Variants in EDA2R observed in about 807,000 individuals in gnomAD.
EDA2R encodes the protein tumor necrosis factor receptor superfamily member 27.
In EDA2R, 26 loss-of-function variants were observed where a neutral mutation model predicts 20.1. That is an observed-to-expected ratio of 1.30 (90% CI 0.95 to 1.80). The LOEUF (loss-of-function observed/expected upper bound fraction) is 1.80. EDA2R is among the 40% of genes most tolerant of loss of function. EDA2R has a pLI of 0.00. For synonymous variants in EDA2R, 114 were observed against 88.7 expected (o/e 1.29, Z -1.60); for missense variants, 277 against 228.7 (o/e 1.21, Z -1.36).
chrX:66,627,211 T>G (rs965604417), intron 1 of EDA2R, among the ~76,000 whole-genome samples: 4 of 111,150 alleles, frequency 3.6e-5, no homozygotes, highest in Admixed American at 9.5e-5. Context: ...AAACAAAATT[T>G]AAAAATAACA....
intron 2 of EDA2R, among the ~76,000 whole-genome samples, chrX:66,606,161 C>T (rs1323701977): frequency 8.9e-6 from 1 of 112,179 alleles, no homozygotes; most frequent in Non-Finnish European, 1.9e-5. Context: ...AGTCACAGCT[C>T]TTTCTCAAAG....
At chrX:66,601,841 A>G (rs757862394) in intron 5 of EDA2R, among the ~76,000 whole-genome samples, 24 of 111,082 alleles carry the variant, frequency 2.2e-4, no homozygotes, top group African/African-American at 7.8e-4. Flanking sequence ...CACCTCCCCC[A>G]TCTTTGTCCT....
intron 6 of EDA2R, among the ~76,000 whole-genome samples, chrX:66,598,743 G>T (rs1927921596): frequency 8.9e-6 from 1 of 112,199 alleles, no homozygotes; most frequent in Non-Finnish European, 1.9e-5. Flanking sequence ...CAGGGAGCAG[G>T]GAAGTCATTG....
At chrX:66,622,521 T>A (rs752946148) in intron 1 of EDA2R, among the ~76,000 whole-genome samples, 23 of 111,894 alleles carry the variant, frequency 2.1e-4, no homozygotes, top group Admixed American at 1.9e-3. Flanking sequence ...TTGCTTTGCC[T>A]GGACAGTGCA....
chrX:66,599,636 C>T lies in EDA2R; in HGVS notation c.742G>A (p.Val248Ile), dbSNP rs1928153536. The stretch of plus-strand genomic sequence containing the variant: ...TCTGTGCATTCGATGGGGCTGTGGA[C>T]CCAGTGGGAGTGGCTCTCTGAGGTG... The part of the protein sequence containing the change: ...SCTSESHSHW[V>I]HSPIECTELD... Residue 248 changes from valine to isoleucine, a missense_variant, in exon 6 of 7, where the codon GTC becomes ATC. Val to Ile is a conservative substitution (Grantham distance 29). Coordinates refer to ENST00000374719, the MANE Select transcript of EDA2R (RefSeq NM_021783.5). 1 of 1,206,519 alleles carries T rather than the reference C, an allele frequency of 8.3e-7. No individual in the cohort carries two copies. The highest frequency in any genetic ancestry group is 1.1e-6 in the Non-Finnish European group (1 of 893,106).
chrX:66,626,003 G>A (rs1477101048), intron 1 of EDA2R, among the ~76,000 whole-genome samples: 1 of 111,255 alleles, frequency 9.0e-6, no homozygotes, highest in Non-Finnish European at 1.9e-5. Context: ...TGGGACAAAA[G>A]AATCTGAACA....
At chrX:66,624,594 C>T (rs1447322971) in intron 1 of EDA2R, among the ~76,000 whole-genome samples, 2 of 111,742 alleles carry the variant, frequency 1.8e-5, no homozygotes, top group African/African-American at 6.5e-5. Context: ...TGAGATCTTG[C>T]TCAAGATCTC....
At chrX:66,629,348 A>G (rs776332743) in intron 1 of EDA2R, among the ~76,000 whole-genome samples, 2 of 111,768 alleles carry the variant, frequency 1.8e-5, no homozygotes, top group Admixed American at 1.9e-4. Context: ...CAGAGCAACC[A>G]GGCAAGAGAA....
chrX:66,626,143 C>A lies in EDA2R; in HGVS notation c.-10-10113G>T, dbSNP rs1417998016. ...CCCAAAAATCACACTAGCTCACCAG[C>A]AATGGATCCAAACCAAGATAAAATC... is the stretch of plus-strand genomic sequence containing the variant. On this transcript the variant is annotated intron_variant, in intron 1 of 6. Coordinates refer to ENST00000374719, the MANE Select transcript of EDA2R (RefSeq NM_021783.5). Among the ~76,000 whole-genome samples the A allele has an allele frequency of 2.7e-5, 3 of 111,549 alleles. No individual in the cohort carries two copies. In the East Asian group the frequency reaches 8.5e-4, roughly 32 times the overall value.
chrX:66,616,290 A>G (rs1228355384), intron 1 of EDA2R, among the ~76,000 whole-genome samples: 1 of 112,522 alleles, frequency 8.9e-6, no homozygotes, highest in African/African-American at 3.2e-5. Context: ...CATTTTACAG[A>G]TGAAGAAACT....
chrX:66,633,326 C>T (rs1934021760), intron 1 of EDA2R, among the ~76,000 whole-genome samples: 1 of 111,796 alleles, frequency 8.9e-6, no homozygotes, highest in Non-Finnish European at 1.9e-5. Context: ...GGAAAAGAGA[C>T]TGTGTAGCCA....
At chrX:66,628,705 C>CAA (rs58181241) in intron 1 of EDA2R, among the ~76,000 whole-genome samples, 13 of 80,771 alleles carry the variant, frequency 1.6e-4, no homozygotes, top group Non-Finnish European at 1.8e-4. Flanking sequence ...AAAACATTAC[C>CAA]AAAAAAAAAA....
chrX:66,623,104 GTAGT>G (rs1932801926), intron 1 of EDA2R, among the ~76,000 whole-genome samples: 1 of 111,992 alleles, frequency 8.9e-6, no homozygotes, highest in Non-Finnish European at 1.9e-5. Context: ...AGATTCTGTT[GTAGT>G]TAGTCAAAAA....
chrX:66,613,011 G>T (rs1440973076), intron 2 of EDA2R, among the ~76,000 whole-genome samples: 2 of 111,111 alleles, frequency 1.8e-5, no homozygotes, highest in African/African-American at 6.5e-5. Flanking sequence ...AAATTTTGAT[G>T]CTGATAGTGT....
chrX:66,639,149 GCCCCGCCCCTCAGC>G (rs1456822372), upstream of EDA2R: 2 of 54,137 alleles, frequency 3.7e-5, no homozygotes, highest in African/African-American at 7.2e-5. Flanking sequence ...CCGCCCATCA[GCCCCGCCCCTCAGC>G]CCCCGCCCCT....
intron 1 of EDA2R, among the ~76,000 whole-genome samples, chrX:66,619,642 T>A (rs1469304240): frequency 9.0e-6 from 1 of 110,705 alleles, no homozygotes; most frequent in Non-Finnish European, 1.9e-5. Flanking sequence ...TCCCATGGAG[T>A]ATAACACATG....
Position 66,624,990 on chromosome X carries a change from T to A in EDA2R, c.-10-8960A>T, listed in dbSNP as rs575024901. ...AGTCAATTTAGAGAGCTGAGCAAAATACAGGGGTAGAGGAAGCAGCGGGAA... is the reference window on the plus strand; with the variant it reads ...AGTCAATTTAGAGAGCTGAGCAAAAAACAGGGGTAGAGGAAGCAGCGGGAA... On this transcript the variant is annotated intron_variant, in intron 1 of 6. Coordinates refer to ENST00000374719, the MANE Select transcript of EDA2R (RefSeq NM_021783.5). 1.2e-4 allele frequency among the ~76,000 whole-genome samples: 13 copies of A among 111,491 alleles called. No homozygotes were observed. The South Asian group carries it at 4.2e-3, about 36-fold the overall frequency.
chrX:66,636,417 G>T (rs1373628807), intron 1 of EDA2R, among the ~76,000 whole-genome samples: 1 of 110,531 alleles, frequency 9.0e-6, no homozygotes, highest in Non-Finnish European at 1.9e-5. Context: ...GATGCAGGGG[G>T]ATCTGATCTC....
chrX:66,617,885 TTC>T (rs764783515), intron 1 of EDA2R, among the ~76,000 whole-genome samples: 4 of 101,620 alleles, frequency 3.9e-5, no homozygotes, highest in African/African-American at 1.4e-4. Context: ...CCTCCTTTCT[TTC>T]TCTCTCTCTC....
Sources: gnomAD v4.1 joint callset for allele counts (sites outside exome capture counted in the v4.1 genomes callset) on GRCh38, gnomAD v4.1.1 for gene constraint, MANE v1.5 for transcripts, NCBI Gene and HGNC (gene_info 2026-07-23, HGNC 2026-07-21) for gene names.